The following NRDE2 variants were observed in gnomAD, a reference collection of about 807,000 sequenced individuals.
NRDE2 encodes the protein NRDE-2, necessary for RNA interference, domain containing.
NRDE2 carries 76 observed loss-of-function variants against 124.2 expected under a neutral mutation model. That is an observed-to-expected ratio of 0.61 (90% confidence interval 0.51 to 0.74). The LOEUF is 0.74. Ranked by LOEUF, NRDE2 falls within the 30% of genes least tolerant of loss-of-function variation. The pLI is 0.00. For missense variants in NRDE2, 1,314 were observed against 1,417.3 expected (o/e 0.93, Z 1.17); for synonymous variants, 489 against 528.1 (o/e 0.93, Z 1.01).
intron 1 of NRDE2, among the ~76,000 whole-genome samples, chr14:90,330,802 T>G (rs1885659668): frequency 1.7e-5 from 1 of 58,416 alleles, no homozygotes; most frequent in African/African-American, 4.7e-5. Flanking sequence ...AGTGAGACCC[T>G]GTCTCAAAAA....
intron 8 of NRDE2, among the ~76,000 whole-genome samples, chr14:90,297,600 C>G (rs1400078046): frequency 6.6e-6 from 1 of 152,066 alleles, no homozygotes; most frequent in East Asian, 1.9e-4. Context: ...TTGGTCTGTA[C>G]ACTGACAGGA....
intron 2 of NRDE2, 47 bp downstream of exon 2, chr14:90,317,958 A>G (rs766523636): frequency 2.2e-6 from 3 of 1,392,464 alleles, no homozygotes; most frequent in Non-Finnish European, 2.0e-6. Flanking sequence ...TAAGCTATAG[A>G]CAGTAAACTG....
intron 4 of NRDE2, among the ~76,000 whole-genome samples, chr14:90,308,043 T>C (rs535587301): frequency 1.3e-5 from 2 of 152,314 alleles, no homozygotes; most frequent in South Asian, 4.1e-4. Flanking sequence ...TCACTGCACT[T>C]GGCCAAAAAT....
chr14:90,297,927 C>T (rs182712137), intron 8 of NRDE2, among the ~76,000 whole-genome samples: 149 of 117,804 alleles, frequency 1.3e-3, no homozygotes, highest in Admixed American at 3.1e-3. Context: ...GGTGACAGAG[C>T]GAGATTCTGT....
chr14:90,288,184 G>C (rs1205921179), intron 11 of NRDE2, 33 bp downstream of exon 11: 2 of 1,575,560 alleles, frequency 1.3e-6, no homozygotes, highest in Non-Finnish European at 1.7e-6. Flanking sequence ...ATAAACATTT[G>C]CGGGGCACAC....
In NRDE2 at chr14:90,312,491, C is replaced by T. The variant is rs749268043; in HGVS notation, c.460G>A (p.Asp154Asn). Residue 154 changes from aspartate (D) to asparagine (N), a missense_variant, in exon 4 of 14, where the codon GAC (aspartate) becomes AAC (asparagine). Asp to Asn is a conservative substitution (Grantham distance 23). Coordinates refer to ENST00000354366, the MANE Select transcript of NRDE2 (RefSeq NM_017970.4). ...GTTTCTCCCGTCACAGCCTGAATGT[C>T]CTCAAGCCAAACAAAGCGATGTCCA... ...DTGHRFVWLEDIQAVTGETFR... is the reference protein window; with the variant it reads ...DTGHRFVWLENIQAVTGETFR... 6.2e-7 allele frequency: 1 copy of T among 1,614,160 alleles called. No individual in the cohort carries two copies. The highest frequency in any genetic ancestry group is 8.5e-7 in the Non-Finnish European group (1 of 1,180,022).
Position 90,293,265 on chromosome 14 carries a change from T to C in NRDE2, c.1667-393A>G, listed in dbSNP as rs564339803. Among the ~76,000 whole-genome samples, 12 of 136,944 alleles carry C rather than the reference T, an allele frequency of 8.8e-5. No homozygotes were observed. In the East Asian group the frequency reaches 1.3e-3, roughly 15 times the overall value. 89.8% of individuals were successfully genotyped at this position (136,944 alleles called of 152,430 possible). Reference sequence around the variant, plus strand: ...AGGAACTGAATTCCTTTTTTTTTTTTCTGAGATGGAGTCTCGCTGTTGTCG... The same window carrying C: ...AGGAACTGAATTCCTTTTTTTTTTTCCTGAGATGGAGTCTCGCTGTTGTCG... On this transcript the variant is annotated intron_variant, in intron 8 of 13. Coordinates refer to ENST00000354366, the MANE Select transcript of NRDE2 (RefSeq NM_017970.4).
chr14:90,318,554 C>T (rs764815114), intron 1 of NRDE2, among the ~76,000 whole-genome samples: 2 of 152,110 alleles, frequency 1.3e-5, no homozygotes, highest in Non-Finnish European at 2.9e-5. Context: ...AATCCCAGCA[C>T]TTTGGGAGGC....
intron 12 of NRDE2, among the ~76,000 whole-genome samples, chr14:90,285,855 G>A (rs568029024): frequency 5.3e-5 from 8 of 151,996 alleles, no homozygotes; most frequent in East Asian, 1.9e-4. Flanking sequence ...GGCTGGTCTC[G>A]AACTCCTGGG....
chr14:90,289,901 A>G (rs1021840506), intron 10 of NRDE2, among the ~76,000 whole-genome samples: 1 of 152,166 alleles, frequency 6.6e-6, no homozygotes, highest in Non-Finnish European at 1.5e-5. Flanking sequence ...ATCTATTTTA[A>G]TAAGCCCCTG....
At chr14:90,322,336 CCT>C (rs1885273663) in intron 1 of NRDE2, among the ~76,000 whole-genome samples, 1 of 152,204 alleles carries the variant, frequency 6.6e-6, no homozygotes, top group South Asian at 2.1e-4. Flanking sequence ...CCTCCTCCCA[CCT>C]GTCACTTCCC....
chr14:90,289,182 T>C (rs560311804), intron 10 of NRDE2, 37 bp from the exon 11 acceptor site: 41 of 1,532,330 alleles, frequency 2.7e-5, no homozygotes, highest in Admixed American at 9.5e-5. Flanking sequence ...GCAGGTGCTC[T>C]GTAATTAAGG....
At chr14:90,323,783 T>C (rs1427205011) in intron 1 of NRDE2, among the ~76,000 whole-genome samples, 1 of 152,232 alleles carries the variant, frequency 6.6e-6, no homozygotes, top group Non-Finnish European at 1.5e-5. Context: ...TATCGTAGCA[T>C]GGCTTATAAC....
intron 3 of NRDE2, among the ~76,000 whole-genome samples, chr14:90,315,505 G>A (rs1452383934): frequency 2.0e-5 from 3 of 151,786 alleles, no homozygotes; most frequent in Non-Finnish European, 4.4e-5. Flanking sequence ...AAAGTTAAAT[G>A]AGCAATAATT....
chr14:90,321,549 TAAA>T (rs1012195271), intron 1 of NRDE2, among the ~76,000 whole-genome samples: 3 of 108,794 alleles, frequency 2.8e-5, no homozygotes, highest in Middle Eastern at 4.7e-3. Flanking sequence ...CCAGCTCTAT[TAAA>T]AAAAAAAAAA....
At position 90,276,099 on chromosome 14, in the gene NRDE2, A is replaced by G. The variant is rs28496089; in HGVS notation, c.*2237T>C. The G allele has an allele frequency of 0.015, 2,322 of 152,198 alleles. 50 individuals are homozygous for G. Among genetic ancestry groups the G allele is most frequent in the African/African-American group, 0.053 (2,180 of 41,504 alleles). The allele number at this position is 152,198 out of a possible 1,614,324, so 9.4% of individuals were successfully genotyped here. A position where few individuals can be genotyped will look rare whatever the true frequency, so the allele number is the denominator to read the frequency against. On this transcript the variant is annotated 3_prime_UTR_variant, in exon 14 of 14. Coordinates refer to ENST00000354366, the MANE Select transcript of NRDE2 (RefSeq NM_017970.4). ...ATGACGAGCGTTCCTGATGAAACAC[A>G]TGAGCCACTGTTTGACTCCAGCTGG...
At chr14:90,278,969 G>C (rs1891878058) in intron 13 of NRDE2, 93 bp downstream of exon 13, 1 of 878,314 alleles carries the variant, frequency 1.1e-6, no homozygotes, top group South Asian at 1.4e-5. Flanking sequence ...AGCATCCCCG[G>C]TGCCGCGGGG....
In NRDE2 at chr14:90,328,284, C is replaced by T. The variant is rs1455425374; in HGVS notation, c.64+3557G>A. 5.8e-5 allele frequency among the ~76,000 whole-genome samples: 8 copies of T among 138,728 alleles called. No homozygotes were observed. The East Asian group carries it at 6.2e-4, about 11-fold the overall frequency. The allele number at this position is 138,728 out of a possible 152,430, so 91.0% of individuals were successfully genotyped here. A position where few individuals can be genotyped will look rare whatever the true frequency, so the allele number is the denominator to read the frequency against. ...TCTCACCACTGCACTCCAGCCTGGG[C>T]GACAGCTAGACTCTGTCTCCAAAAA... On this transcript the variant is annotated intron_variant, in intron 1 of 13. Coordinates refer to ENST00000354366, the MANE Select transcript of NRDE2 (RefSeq NM_017970.4).
chr14:90,303,210 C>A (rs1357969911), intron 5 of NRDE2, 85 bp from the exon 6 acceptor site: 3 of 1,287,932 alleles, frequency 2.3e-6, no homozygotes, highest in Admixed American at 2.6e-5. Context: ...TTTCTTACCA[C>A]CCCCTAGGGA....
Sources: allele counts gnomAD v4.1 joint callset (sites outside exome capture counted in the v4.1 genomes callset), GRCh38; gene constraint gnomAD v4.1.1; transcripts MANE v1.5; gene names NCBI Gene and HGNC (gene_info 2026-07-23, HGNC 2026-07-21).